The following PPM1B variants were observed in gnomAD, a reference collection of about 807,000 sequenced individuals.
The protein encoded by PPM1B is protein phosphatase, Mg2+/Mn2+ dependent 1B, also known as protein phosphatase 1B.
A neutral mutation model predicts 43.0 loss-of-function variants in PPM1B; 22 were observed. The observed-to-expected ratio is 0.51, with a 90% CI of 0.37 to 0.73. The LOEUF is 0.73. Among genes scored for constraint, PPM1B ranks in the 30% least tolerant of loss-of-function variants. The pLI is 0.00. For synonymous variants in PPM1B, 217 were observed against 197.9 expected (o/e 1.10, Z -0.81); for missense variants, 632 against 584.2 (o/e 1.08, Z -0.84).
At chr2:44,219,802 G>A (rs1669888855) in intron 5 of PPM1B, among the ~76,000 whole-genome samples, 1 of 151,992 alleles carries the variant, frequency 6.6e-6, no homozygotes. Flanking sequence ...TATTAACTGG[G>A]CATGGTGGCG....
intron 1 of PPM1B, among the ~76,000 whole-genome samples, chr2:44,193,575 C>CTTTTT (rs575288322): frequency 5.1e-5 from 6 of 116,710 alleles, no homozygotes; most frequent in African/African-American, 6.9e-5. Flanking sequence ...AATTTTTTTT[C>CTTTTT]TTTTTTTTTT....
chr2:44,240,250 T>C (rs962265932), intron 5 of PPM1B, among the ~76,000 whole-genome samples: 9 of 146,202 alleles, frequency 6.2e-5, no homozygotes, highest in African/African-American at 2.2e-4. Flanking sequence ...TTTGGGGATA[T>C]AATATTGAAA....
intron 2 of PPM1B, among the ~76,000 whole-genome samples, chr2:44,204,719 C>A (rs781298537): frequency 6.6e-6 from 1 of 151,484 alleles, no homozygotes; most frequent in South Asian, 2.1e-4. Flanking sequence ...ATCGGCCGGG[C>A]GTTGTGGTGG....
chr2:44,205,354 G>GTGTGTGTGTCGGGGTGTGTGTGTGTGT (rs1669134502), intron 2 of PPM1B, among the ~76,000 whole-genome samples: 1 of 91,720 alleles, frequency 1.1e-5, no homozygotes, highest in African/African-American at 3.4e-5. Context: ...TGTGGGTGTG[G>GTGTGTGTGTCGGGGTGTGTGTGTGTGT]GTGTGTGTGT....
chr2:44,221,753 A>G (rs1669984953), intron 5 of PPM1B, among the ~76,000 whole-genome samples: 1 of 151,860 alleles, frequency 6.6e-6, no homozygotes. Flanking sequence ...GGATTCATTC[A>G]TTTTTCTTAT....
chr2:44,234,557 G>A, downstream of PPM1B: 1 of 985,486 alleles, frequency 1.0e-6, no homozygotes, highest in Non-Finnish European at 1.2e-6. Context: ...TTTCCGGCAG[G>A]GGGCAGGGTG....
chr2:44,230,208 G>A (rs752805476), intron 5 of PPM1B: 158 of 1,414,242 alleles, frequency 1.1e-4, no homozygotes, highest in Non-Finnish European at 1.4e-4. Flanking sequence ...CTAGTTAATG[G>A]TAATTTGCTT....
chr2:44,218,838 A>T (rs1231052371), intron 5 of PPM1B: 1 of 464,288 alleles, frequency 2.2e-6, no homozygotes. Context: ...TTAAACCTTA[A>T]TTTTGAGGCA....
chr2:44,210,890 C>T (rs1669432043), intron 3 of PPM1B, among the ~76,000 whole-genome samples: 1 of 152,128 alleles, frequency 6.6e-6, no homozygotes, highest in South Asian at 2.1e-4. Context: ...ATAATCCCAG[C>T]ACTTTGGGAG....
chr2:44,239,934 C>G (rs1345622023), intron 5 of PPM1B, among the ~76,000 whole-genome samples: 1 of 148,456 alleles, frequency 6.7e-6, no homozygotes, highest in South Asian at 2.1e-4. Flanking sequence ...AATATCACAT[C>G]ATTTAGATTA....
intron 5 of PPM1B, among the ~76,000 whole-genome samples, chr2:44,239,896 G>GTTTTT (rs66631221): frequency 7.1e-6 from 1 of 140,278 alleles, no homozygotes; most frequent in African/African-American, 2.6e-5. Context: ...TTTTGTTTTT[G>GTTTTT]TTTTTTTTTT....
At chr2:44,183,993 C>T (rs1056621646) in intron 1 of PPM1B, among the ~76,000 whole-genome samples, 2 of 152,224 alleles carry the variant, frequency 1.3e-5, no homozygotes, top group Non-Finnish European at 2.9e-5. Flanking sequence ...CCGCCTCGGC[C>T]TCCCAAAGTG....
At chr2:44,185,981 G>C (rs1005285662) in intron 1 of PPM1B, among the ~76,000 whole-genome samples, 1 of 152,170 alleles carries the variant, frequency 6.6e-6, no homozygotes, top group Non-Finnish European at 1.5e-5. Flanking sequence ...TTGGAAGAAA[G>C]GATGTGAGCT....
chr2:44,217,072 G>A (rs1016271334), intron 3 of PPM1B, among the ~76,000 whole-genome samples: 1 of 151,720 alleles, frequency 6.6e-6, no homozygotes, highest in Non-Finnish European at 1.5e-5. Flanking sequence ...GTCAACGTAA[G>A]GGTCTTGTGA....
intron 3 of PPM1B, among the ~76,000 whole-genome samples, chr2:44,216,473 A>G (rs1177309209): frequency 2.0e-5 from 3 of 152,224 alleles, no homozygotes; most frequent in Non-Finnish European, 4.4e-5. Flanking sequence ...TGAAGCTTGC[A>G]GTCTATGACC....
chr2:44,219,939 G>A (rs1235241487), intron 5 of PPM1B, among the ~76,000 whole-genome samples: 1 of 146,712 alleles, frequency 6.8e-6, no homozygotes. Context: ...GCGAAACTCC[G>A]TCTCAAAAAA....
At chr2:44,194,861 T>TA (rs1361196109) in intron 1 of PPM1B, among the ~76,000 whole-genome samples, 1 of 151,952 alleles carries the variant, frequency 6.6e-6, no homozygotes, top group Non-Finnish European at 1.5e-5. Context: ...AGAGTCTCTA[T>TA]AGTTCACTCT....
At chr2:44,183,361 T>C (rs763122604) in intron 1 of PPM1B, among the ~76,000 whole-genome samples, 19 of 152,258 alleles carry the variant, frequency 1.2e-4, no homozygotes, top group Non-Finnish European at 2.4e-4. Flanking sequence ...CATTTTGCCT[T>C]GAACATTCTT....
At chr2:44,235,648 C>T (rs1670588485), downstream of PPM1B, among the ~76,000 whole-genome samples, 1 of 145,500 alleles carries the variant, frequency 6.9e-6, no homozygotes, top group Admixed American at 6.9e-5. Context: ...AATGTGGTAG[C>T]TTATGCCTGT....
Sources: allele counts gnomAD v4.1 joint callset (sites outside exome capture counted in the v4.1 genomes callset), GRCh38; gene constraint gnomAD v4.1.1; transcripts MANE v1.5; gene names NCBI Gene and HGNC (gene_info 2026-07-23, HGNC 2026-07-21).